RBFOX3: variants seen among roughly 807,000 people sequenced by gnomAD.
The protein encoded by RBFOX3 is RNA binding protein fox-1 homolog 3.
RBFOX3 carries 17 observed loss-of-function variants against 48.7 expected under a neutral mutation model. The observed-to-expected ratio is 0.35, with a 90% CI of 0.24 to 0.52. RBFOX3 has a LOEUF of 0.52. RBFOX3 is among the 20% of genes least tolerant of loss of function. The pLI, the probability that RBFOX3 is intolerant of heterozygous loss-of-function variation, is 0.94. For synonymous variants in RBFOX3, 212 were observed against 209.5 expected, an observed-to-expected ratio of 1.01 and a Z score of -0.10; for missense variants, 382 against 497.5, an observed-to-expected ratio of 0.77 and a Z score of 2.21.
intron 4 of RBFOX3, among the ~76,000 whole-genome samples, chr17:79,233,452 T>C (rs2061267288): frequency 6.6e-6 from 1 of 152,110 alleles, no homozygotes. Context: ...GTGTCATGGG[T>C]ATACATATAT....
At chr17:79,335,128 C>T (rs2080995701) in intron 2 of RBFOX3, among the ~76,000 whole-genome samples, 1 of 152,182 alleles carries the variant, frequency 6.6e-6, no homozygotes, top group Non-Finnish European at 1.5e-5. Context: ...ATGTGGGCCT[C>T]TCCCTGTGTA....
intron 5 of RBFOX3, among the ~76,000 whole-genome samples, chr17:79,110,035 C>A (rs2030324469): frequency 6.6e-6 from 1 of 152,000 alleles, no homozygotes; most frequent in African/African-American, 2.4e-5. Context: ...CGGACTGCCC[C>A]AGGCCGGGGG....
rs371732510 is a variant in RBFOX3, at chr17:79,109,807, G to A, written c.223-3019C>T. The stretch of plus-strand genomic sequence containing the variant: ...GAACCAGCCCCGCGCCCACCCACAG[G>A]CGCTGGGGCATCCACCCCAAAGTCC... On this transcript the variant is annotated intron_variant, in intron 5 of 14. Coordinates refer to ENST00000693108, the MANE Select transcript of RBFOX3 (RefSeq NM_001350451.2). Among the ~76,000 whole-genome samples, 12 of 152,326 alleles carry A rather than the reference G, an allele frequency of 7.9e-5. No homozygotes were observed. The South Asian group carries it at 2.5e-3, about 32-fold the overall frequency.
rs2077991726 is a variant in RBFOX3 at position 79,477,324 on chromosome 17, A to AGGCG, written c.-175+5129_-175+5130insCGCC. 6.7e-6 allele frequency among the ~76,000 whole-genome samples: 1 copy of AGGCG among 150,314 alleles called. No homozygotes were observed. The highest frequency in any genetic ancestry group is 6.6e-5 in the Admixed American group (1 of 15,112). On this transcript the variant is annotated intron_variant, in intron 2 of 14. Coordinates refer to ENST00000693108, the MANE Select transcript of RBFOX3 (RefSeq NM_001350451.2). The surrounding 1 kb of genome is among the most constrained non-coding windows in gnomAD (Gnocchi z 4.8). Reference sequence around the variant, plus strand: ...GTAATCCCAGCACTTTGGGAGGCCAAGGCAGGTGGATCACGAGGTCAGGAG... The same window carrying AGGCG: ...GTAATCCCAGCACTTTGGGAGGCCAAGGCGGGCAGGTGGATCACGAGGTCAGGAG...
intron 2 of RBFOX3, among the ~76,000 whole-genome samples, chr17:79,352,508 C>T (rs1386593978): frequency 6.6e-6 from 1 of 152,192 alleles, no homozygotes; most frequent in Non-Finnish European, 1.5e-5. Flanking sequence ...CAGATGAAAA[C>T]AGAAGTGCCC....
chr17:79,171,075 C>A (rs1890919105), intron 4 of RBFOX3, among the ~76,000 whole-genome samples: 1 of 152,218 alleles, frequency 6.6e-6, no homozygotes, highest in South Asian at 2.1e-4. Context: ...ACTTCAGCAG[C>A]CACTGGCCCC....
intron 2 of RBFOX3, among the ~76,000 whole-genome samples, chr17:79,432,509 C>T (rs782561424): frequency 7.2e-5 from 11 of 152,278 alleles, no homozygotes; most frequent in African/African-American, 2.2e-4. Flanking sequence ...CCAAGGGTCG[C>T]GAGCAGCCTT....
chr17:79,121,213 G>A (rs967152518), intron 4 of RBFOX3, among the ~76,000 whole-genome samples: 32 of 152,004 alleles, frequency 2.1e-4, no homozygotes, highest in African/African-American at 7.5e-4. Context: ...GACCAACCAC[G>A]TCACCTGTAC....
At chr17:79,635,374 T>C in the RBFOX3 span, among the ~76,000 whole-genome samples, 172 of 152,258 alleles carry the variant, frequency 1.1e-3, no homozygotes, top group Admixed American at 2.1e-3. Flanking sequence ...GAAGAGCAGC[T>C]GAGAAGGATC....
chr17:79,095,236 C>T (rs1217966067), intron 13 of RBFOX3, among the ~76,000 whole-genome samples: 1 of 123,244 alleles, frequency 8.1e-6, no homozygotes, highest in African/African-American at 3.0e-5. Context: ...ACTGTGGGCA[C>T]GGGGCTTGCG....
Position 79,101,621 on chromosome 17 carries a change from C to T in RBFOX3, c.531G>A (p.Val177=). Residue 177 remains valine (V), a synonymous_variant, in exon 9 of 15, where the codon GTG becomes GTA. Transcript: ENST00000693108. ...KIEVNNATAR[V]MTNKKTGNPY... Reference sequence around the variant, plus strand: ...GGTTCCCCGTCTTCTTGTTGGTCATCACTCGGGCCGTGGCATTATTGACCT... The same window carrying T: ...GGTTCCCCGTCTTCTTGTTGGTCATTACTCGGGCCGTGGCATTATTGACCT... 1 of 1,551,328 alleles carries T rather than the reference C, an allele frequency of 6.4e-7. No homozygotes were observed. The highest frequency in any genetic ancestry group is 8.7e-7 in the Non-Finnish European group (1 of 1,146,954).
chr17:79,128,044 C>T (rs1322033687), intron 4 of RBFOX3, among the ~76,000 whole-genome samples: 1 of 152,236 alleles, frequency 6.6e-6, no homozygotes, highest in African/African-American at 2.4e-5. Context: ...CCGCTCAGCG[C>T]CAGGTTCTAG....
intron 4 of RBFOX3, among the ~76,000 whole-genome samples, chr17:79,174,574 TCATA>T (rs1283640862): frequency 4.6e-5 from 7 of 151,676 alleles, no homozygotes; most frequent in African/African-American, 1.2e-4. Context: ...TCACATGCAC[TCATA>T]CATTGACACA....
chr17:79,610,222 C>G (rs1368947459), intron 1 of RBFOX3, among the ~76,000 whole-genome samples: 1 of 152,080 alleles, frequency 6.6e-6, no homozygotes, highest in Non-Finnish European at 1.5e-5. Context: ...TTTGGGTCAT[C>G]AACCTCTCAG....
At chr17:79,206,267 AT>A in intron 4 of RBFOX3, among the ~76,000 whole-genome samples, 1 of 152,216 alleles carries the variant, frequency 6.6e-6, no homozygotes, top group East Asian at 1.9e-4. Context: ...GGCAGCAAAT[AT>A]TCCCCTTGGG....
At chr17:79,160,365 G>A (rs1341674952) in intron 4 of RBFOX3, among the ~76,000 whole-genome samples, 1 of 152,236 alleles carries the variant, frequency 6.6e-6, no homozygotes, top group Non-Finnish European at 1.5e-5. Context: ...TGGCAGTGTG[G>A]TCCCACCTCA....
chr17:79,127,432 CAGA>C (rs1189623039), intron 4 of RBFOX3, among the ~76,000 whole-genome samples: 1 of 152,114 alleles, frequency 6.6e-6, no homozygotes, highest in Non-Finnish European at 1.5e-5. Flanking sequence ...AACGGAGGAA[CAGA>C]AGAACAGGCA....
At position 79,432,534 on chromosome 17, in the gene RBFOX3, C is replaced by A. The variant is rs370098431; in HGVS notation, c.-175+49920G>T. The stretch of plus-strand genomic sequence containing the variant: ...CGAGCAGCCTTTTATTTGTGTGCAA[C>A]CTGTTTCGTTAAAAAAAAATCTGCC... On this transcript the variant is annotated intron_variant, in intron 2 of 14. Coordinates refer to ENST00000693108, the MANE Select transcript of RBFOX3 (RefSeq NM_001350451.2). Among the ~76,000 whole-genome samples the A allele has an allele frequency of 1.9e-3, 293 of 152,246 alleles. 1 individual carries two copies. The highest frequency in any genetic ancestry group is 6.5e-3 in the African/African-American group (268 of 41,526).
chr17:79,277,731 G>A (rs924870976), intron 3 of RBFOX3, among the ~76,000 whole-genome samples: 5 of 152,240 alleles, frequency 3.3e-5, no homozygotes, highest in African/African-American at 4.8e-5. Context: ...GTTGGCTGTA[G>A]TGTGGGGGCT....
Sources: gnomAD v4.1 joint callset for allele counts (sites outside exome capture counted in the v4.1 genomes callset) on GRCh38, gnomAD v4.1.1 for gene constraint, Gnocchi (gnomAD v3.1) non-coding constraint, MANE v1.5 for transcripts, NCBI Gene and HGNC (gene_info 2026-07-23, HGNC 2026-07-21) for gene names.